The following FRMPD3 variants were observed in gnomAD, a reference collection of about 807,000 sequenced individuals.
The protein encoded by FRMPD3 is FERM and PDZ domain containing 3, also known as FERM and PDZ domain-containing protein 3.
FRMPD3 carries 42 observed loss-of-function variants against 97.9 expected under a neutral mutation model. The ratio of observed to expected loss-of-function variants is 0.43; its 90% CI spans 0.34 to 0.55. The LOEUF is 0.55. FRMPD3 is among the 20% of genes least tolerant of loss of function. FRMPD3 has a pLI of 0.03. For missense variants in FRMPD3, 1,303 were observed against 1,457.7 expected (o/e 0.89, Z 1.73); for synonymous variants, 577 against 581.1 (o/e 0.99, Z 0.10).
chrX:107,538,365 A>AC (rs1463515155), intron 4 of FRMPD3, among the ~76,000 whole-genome samples: 3 of 108,661 alleles, frequency 2.8e-5, no homozygotes, highest in African/African-American at 1.0e-4. Context: ...TTAATGTTAT[A>AC]CCCCCTACAT....
intron 1 of FRMPD3, among the ~76,000 whole-genome samples, chrX:107,501,337 A>G (rs1422689507): frequency 1.0e-5 from 1 of 98,751 alleles, no homozygotes; most frequent in Non-Finnish European, 2.0e-5. Context: ...CACTAAAGCC[A>G]ATTCTCTTGT....
rs1202202544 is a variant in FRMPD3 at position 107,449,936 on chromosome X, C to G, written c.-77C>G. ...GCCGCCGCCGCTGCGCCGCCGCTGC[C>G]GCGCCGCTGAGGAGGCGGAGGAGGA... is the stretch of plus-strand genomic sequence containing the variant. On this transcript the variant is annotated 5_prime_UTR_variant, in exon 1 of 15. Coordinates refer to ENST00000683843, the MANE Select transcript of FRMPD3 (RefSeq NM_001388459.1). Among the ~76,000 whole-genome samples the G allele has an allele frequency of 6.4e-5, 7 of 109,933 alleles. No homozygotes were observed. The East Asian group carries it at 2.0e-3, about 32-fold the overall frequency.
chrX:107,601,317 C>A lies in FRMPD3; in HGVS notation c.3278C>A (p.Thr1093Asn). ...GGCGGGCCAGTGGGTGGTAAGCCCA[C>A]CCTGCAGAAGCAGGGCACCATCTCC... ...GKGGPVGGKP[T>N]LQKQGTISSQ... The change falls in exon 15 of 15, where the codon ACC becomes AAC. Residue 1093 changes from threonine (T) to asparagine (N), a missense_variant. Coordinates refer to ENST00000683843, the MANE Select transcript of FRMPD3 (RefSeq NM_001388459.1). 8.3e-7 allele frequency: 1 copy of A among 1,206,555 alleles called. No homozygotes were observed. Among genetic ancestry groups the A allele is most frequent in the South Asian group, 1.8e-5 (1 of 56,150 alleles).
At chrX:107,500,250 G>A (rs763453014) in intron 1 of FRMPD3, among the ~76,000 whole-genome samples, 6 of 111,856 alleles carry the variant, frequency 5.4e-5, no homozygotes, top group Non-Finnish European at 7.5e-5. Flanking sequence ...GCTACTTAGC[G>A]TCAGCTAATT....
At chrX:107,535,829 A>G (rs1245544984) in intron 4 of FRMPD3, among the ~76,000 whole-genome samples, 2 of 111,082 alleles carry the variant, frequency 1.8e-5, no homozygotes, top group Non-Finnish European at 3.8e-5. Flanking sequence ...CCCATTTACC[A>G]TAATATTGTT....
At chrX:107,530,356 G>A in intron 2 of FRMPD3, 53 bp from the exon 3 acceptor site, 1 of 1,027,990 alleles carries the variant, frequency 9.7e-7, no homozygotes, top group Non-Finnish European at 1.3e-6. Flanking sequence ...CCCAGACCTG[G>A]ACTTTCCCAG....
At position 107,600,158 on chromosome X, in the gene FRMPD3, G is replaced by A. The variant is rs754717; in HGVS notation, c.2264-145G>A. ...TTACATGCAAATACTATGCCATTTC[G>A]TATCAGGGACTTGAGCATCTGCAAG... On this transcript the variant is annotated intron_variant, in intron 14 of 14. Transcript: ENST00000683843. 33,506 of 689,608 alleles carry A rather than the reference G, an allele frequency of 0.049. 5,398 individuals carry two copies. In the African/African-American group the frequency reaches 0.55, roughly 11 times the overall value. 56.8% of individuals were successfully genotyped at this position (689,608 alleles called of 1,213,427 possible).
At chrX:107,486,286 A>G (rs1921502454) in intron 1 of FRMPD3, among the ~76,000 whole-genome samples, 1 of 112,039 alleles carries the variant, frequency 8.9e-6, no homozygotes, top group Non-Finnish European at 1.9e-5. Context: ...AATCAGCTTC[A>G]TGGTTATCTA....
intron 12 of FRMPD3, among the ~76,000 whole-genome samples, chrX:107,573,227 T>C (rs1038423932): frequency 3.6e-5 from 4 of 111,587 alleles, no homozygotes; most frequent in Non-Finnish European, 7.5e-5. Context: ...AGTTTTGATC[T>C]GGCAGGAAGA....
intron 3 of FRMPD3, 141 bp downstream of exon 3, chrX:107,530,652 C>T (rs1369194121): frequency 3.1e-5 from 14 of 453,169 alleles, no homozygotes; most frequent in Non-Finnish European, 5.3e-5. Flanking sequence ...TCCTGGCTAA[C>T]CCAGAACTTC....
intron 1 of FRMPD3, among the ~76,000 whole-genome samples, chrX:107,463,581 C>G (rs963925102): frequency 1.8e-5 from 2 of 112,389 alleles, no homozygotes; most frequent in African/African-American, 3.2e-5. Context: ...TGTAATCCCC[C>G]CACTATATTA....
Position 107,485,898 on chromosome X carries a change from G to A in FRMPD3, c.-8+35893G>A, listed in dbSNP as rs182643862. On this transcript the variant is annotated intron_variant, in intron 1 of 14. Transcript: ENST00000683843. ...TGTCACCTTTAGTTCCAGGGGGTAA[G>A]GCAGGATGATCCATCCCTCAGGCAC... is the stretch of plus-strand genomic sequence containing the variant. 4.5e-5 allele frequency among the ~76,000 whole-genome samples: 5 copies of A among 111,809 alleles called. No individual in the cohort carries two copies. In the East Asian group the frequency reaches 1.4e-3, roughly 31 times the overall value.
At position 107,597,307 on chromosome X, in the gene FRMPD3, C is replaced by G; in HGVS notation, c.1442-14C>G. 1 of 1,177,396 alleles carries G rather than the reference C, an allele frequency of 8.5e-7. No individual in the cohort carries two copies. The highest frequency in any genetic ancestry group is 1.1e-6 in the Non-Finnish European group (1 of 877,163). On this transcript the variant is annotated splice_polypyrimidine_tract_variant and intron_variant, in intron 13 of 14. Coordinates refer to ENST00000683843, the MANE Select transcript of FRMPD3 (RefSeq NM_001388459.1). ...GCACCAGGGCTCATCTGTTGATTCTCTTTCTGGGTTTAGATTACATGCACA... is the reference window on the plus strand; with the variant it reads ...GCACCAGGGCTCATCTGTTGATTCTGTTTCTGGGTTTAGATTACATGCACA...
At chrX:107,547,955 G>A (rs748105994) in intron 5 of FRMPD3, among the ~76,000 whole-genome samples, 14 of 111,234 alleles carry the variant, frequency 1.3e-4, no homozygotes, top group Non-Finnish European at 2.3e-4. Flanking sequence ...TCAGGGAGGG[G>A]ACCAGGGAGT....
intron 1 of FRMPD3, among the ~76,000 whole-genome samples, chrX:107,467,292 TGTGA>T (rs1241154262): frequency 9.1e-6 from 1 of 110,369 alleles, no homozygotes; most frequent in East Asian, 2.9e-4. Context: ...TAAATGTGAG[TGTGA>T]GTGTGTGTGT....
At position 107,600,622 on chromosome X, in the gene FRMPD3, C is replaced by T; in HGVS notation, c.2583C>T (p.Pro861=). 8.3e-7 allele frequency: 1 copy of T among 1,209,076 alleles called. No homozygotes were observed. Residue 861 remains proline, a synonymous_variant, in exon 15 of 15, where the codon CCC becomes CCT. Coordinates refer to ENST00000683843, the MANE Select transcript of FRMPD3 (RefSeq NM_001388459.1). The part of the protein sequence containing the change: ...PGPPGARRKL[P]QSEGQVQGER... ...CCCCTGGCGCTCGGAGGAAGCTGCC[C>T]CAGTCAGAGGGCCAGGTACAGGGAG...
chrX:107,540,777 G>A (rs895422949), intron 4 of FRMPD3, among the ~76,000 whole-genome samples: 2 of 112,120 alleles, frequency 1.8e-5, no homozygotes, highest in Non-Finnish European at 3.8e-5. Context: ...TTAATGGATT[G>A]GGATCTCTTC....
chrX:107,553,335 C>G (rs1921943708), intron 7 of FRMPD3, among the ~76,000 whole-genome samples: 1 of 106,512 alleles, frequency 9.4e-6, no homozygotes, highest in African/African-American at 3.4e-5. Context: ...CCAACTCCCA[C>G]TTATCCTAGG....
rs952168435 is a variant in FRMPD3, at chrX:107,600,686, C to T, written c.2647C>T (p.Pro883Ser). The stretch of plus-strand genomic sequence containing the variant: ...CTTGGCAGTGCACCCAGCACTGTCC[C>T]CACAGCTTAGTGAACAGAAGAATCT... ...YSLAVHPALS[P>S]QLSEQKNLSL... is the part of the protein sequence containing the mutation. Residue 883 changes from proline (P) to serine (S), a missense_variant, in exon 15 of 15, where the codon CCA becomes TCA. Around this residue, in one of 3 missense-constraint regions of FRMPD3, gnomAD observed 764 missense variants for 820.2 expected, o/e 0.93. Coordinates refer to ENST00000683843, the MANE Select transcript of FRMPD3 (RefSeq NM_001388459.1). The T allele has an allele frequency of 1.7e-6, 2 of 1,202,534 alleles. No individual in the cohort carries two copies. Among genetic ancestry groups the T allele is most frequent in the African/African-American group, 3.5e-5 (2 of 57,076 alleles).
Sources: gnomAD v4.1 joint callset for allele counts (sites outside exome capture counted in the v4.1 genomes callset) on GRCh38, gnomAD v4.1.1 for gene constraint, gnomAD v4.1.1 regional missense constraint, MANE v1.5 for transcripts, NCBI Gene and HGNC (gene_info 2026-07-23, HGNC 2026-07-21) for gene names.